NRCAM: variants seen among roughly 807,000 people sequenced by gnomAD.
The protein encoded by NRCAM is neuronal cell adhesion molecule, also known as NgCAM-related cell adhesion molecule.
Under a neutral mutation model 156.5 loss-of-function variants are expected in NRCAM, and 83 were observed. The observed-to-expected ratio is 0.53, with a 90% CI of 0.44 to 0.64. NRCAM has a LOEUF of 0.64. Ranked by LOEUF, NRCAM falls within the 30% of genes least tolerant of loss-of-function variation. The pLI, the probability that NRCAM is intolerant of heterozygous loss-of-function variation, is 0.00. For synonymous variants in NRCAM, 538 were observed against 563.9 expected (o/e 0.95, Z 0.65); for missense variants, 1,417 against 1,597.3 (o/e 0.89, Z 1.92).
chr7:108,240,153 T>A lies in NRCAM; in HGVS notation c.-89A>T. ...TGAAACGTTGTGTGCAACGTTTAAGTAATTTTCATGCGGGAAACTGAAAAA... is the reference window on the plus strand; with the variant it reads ...TGAAACGTTGTGTGCAACGTTTAAGAAATTTTCATGCGGGAAACTGAAAAA... On this transcript the variant is annotated 5_prime_UTR_variant, in exon 4 of 33. Transcript: ENST00000379028. 1 of 823,782 alleles carries A rather than the reference T, an allele frequency of 1.2e-6. No homozygotes were observed. Among genetic ancestry groups the A allele is most frequent in the Non-Finnish European group, 2.0e-6 (1 of 492,398 alleles). The allele number at this position is 823,782 out of a possible 1,614,324, so 51.0% of individuals were successfully genotyped here.
chr7:108,181,065 T>C lies in NRCAM; in HGVS notation c.2647-638A>G, dbSNP rs534776724. On this transcript the variant is annotated intron_variant, in intron 24 of 32. Coordinates refer to ENST00000379028, the MANE Select transcript of NRCAM (RefSeq NM_001037132.4). The stretch of plus-strand genomic sequence containing the variant: ...CAGGCACAGGTTTTGGAGAGATGGA[T>C]AAGAAAGTACTGATTAATTTTGGTC... Among the ~76,000 whole-genome samples the C allele has an allele frequency of 2.6e-5, 4 of 152,302 alleles. No homozygotes were observed. The South Asian group carries it at 6.2e-4, about 24-fold the overall frequency.
intron 2 of NRCAM, among the ~76,000 whole-genome samples, chr7:108,387,416 T>C (rs145460980): frequency 6.6e-5 from 10 of 152,266 alleles, no homozygotes; most frequent in Admixed American, 6.5e-4. Context: ...ATGGATTACT[T>C]ATAGGTAATT....
At chr7:108,208,855 G>A (rs1327700393) in intron 12 of NRCAM, among the ~76,000 whole-genome samples, 4 of 152,056 alleles carry the variant, frequency 2.6e-5, no homozygotes, top group East Asian at 1.9e-4. Flanking sequence ...TATTATTGAC[G>A]TTAACATTCA....
intron 3 of NRCAM, among the ~76,000 whole-genome samples, chr7:108,248,409 T>C (rs1418736238): frequency 6.6e-6 from 1 of 151,982 alleles, no homozygotes; most frequent in African/African-American, 2.4e-5. Context: ...AAAATCTCAA[T>C]GTGTACTCCT....
At chr7:108,292,216 T>C (rs1207619697) in intron 3 of NRCAM, among the ~76,000 whole-genome samples, 1 of 152,220 alleles carries the variant, frequency 6.6e-6, no homozygotes, top group African/African-American at 2.4e-5. Flanking sequence ...GGCCAGATGC[T>C]GTCTAGACCT....
intron 2 of NRCAM, among the ~76,000 whole-genome samples, chr7:108,330,357 C>A (rs918692957): frequency 2.6e-5 from 4 of 152,094 alleles, no homozygotes; most frequent in African/African-American, 9.7e-5. Flanking sequence ...GTGCTCTGAG[C>A]AGTAAGGGCT....
At chr7:108,384,541 A>C (rs2099730233) in intron 2 of NRCAM, among the ~76,000 whole-genome samples, 1 of 152,202 alleles carries the variant, frequency 6.6e-6, no homozygotes, top group Non-Finnish European at 1.5e-5. Flanking sequence ...GATTTGGCAG[A>C]GGAGATTTGA....
At chr7:108,427,603 T>G (rs1393806399) in intron 1 of NRCAM, among the ~76,000 whole-genome samples, 3 of 152,248 alleles carry the variant, frequency 2.0e-5, no homozygotes. Context: ...TTTATGATTT[T>G]ACCATGCTCA....
rs559240624 is a variant in NRCAM, at chr7:108,455,762, G to A, written c.-332+481C>T. 3.9e-5 allele frequency among the ~76,000 whole-genome samples: 6 copies of A among 152,258 alleles called. No homozygotes were observed. In the South Asian group the frequency reaches 1.0e-3, roughly 26 times the overall value. The stretch of plus-strand genomic sequence containing the variant: ...ACAGGCACACGCCCGTGCGCTCCCG[G>A]CCCGGCCCCCGCGCTCCTCGCCCCG... On this transcript the variant is annotated intron_variant, in intron 1 of 32. Coordinates refer to ENST00000379028, the MANE Select transcript of NRCAM (RefSeq NM_001037132.4).
rs1448270663 is a variant in NRCAM, at chr7:108,429,348, C to T, written c.-332+26895G>A. Among the ~76,000 whole-genome samples, 4 of 152,260 alleles carry T rather than the reference C, an allele frequency of 2.6e-5. No homozygotes were observed. The South Asian group carries it at 6.2e-4, about 24-fold the overall frequency. On this transcript the variant is annotated intron_variant, in intron 1 of 32. Coordinates refer to ENST00000379028, the MANE Select transcript of NRCAM (RefSeq NM_001037132.4). ...CTGGGATTACAGATGCCCGCCACCA[C>T]GCCTGGCTAATTTTTGTTTTATTAG... is the stretch of plus-strand genomic sequence containing the variant.
intron 32 of NRCAM, among the ~76,000 whole-genome samples, chr7:108,157,437 A>G (rs1462374569): frequency 1.3e-5 from 2 of 152,170 alleles, no homozygotes; most frequent in African/African-American, 4.8e-5. Flanking sequence ...AAATTCTATT[A>G]AAGTTGTTAG....
intron 11 of NRCAM, among the ~76,000 whole-genome samples, chr7:108,211,476 T>G (rs1365288470): frequency 6.6e-6 from 1 of 152,140 alleles, no homozygotes; most frequent in South Asian, 2.1e-4. Context: ...GGGAGGTGGA[T>G]AGTCTGGGGC....
chr7:108,388,081 C>G (rs1018829724), intron 2 of NRCAM, among the ~76,000 whole-genome samples: 21 of 152,156 alleles, frequency 1.4e-4, no homozygotes, highest in East Asian at 9.7e-4. Flanking sequence ...CCCAGTAATG[C>G]GATGGCTGGG....
Position 108,178,003 on chromosome 7 carries a change from T to G in NRCAM, c.2961A>C (p.Leu987Phe). 4 of 1,610,668 alleles carry G rather than the reference T, an allele frequency of 2.5e-6. No individual in the cohort carries two copies. Among genetic ancestry groups the G allele is most frequent in the Non-Finnish European group, 3.4e-6 (4 of 1,178,074 alleles). Residue 987 changes from leucine (L) to phenylalanine (F), a missense_variant, in exon 26 of 33, where the codon TTA (leucine) becomes TTC (phenylalanine). By Grantham distance (22) the Leu-to-Phe change is conservative. This residue lies in a region of NRCAM where 1,238 missense variants were observed against 1,336.4 expected (regional missense o/e 0.93). Coordinates refer to ENST00000379028, the MANE Select transcript of NRCAM (RefSeq NM_001037132.4). Reference sequence around the variant, plus strand: ...CCAACAGCTTACTTGGCTGATACTTTAAGGTGTACTCTGTCAAAATGCCAT... The same window carrying G: ...CCAACAGCTTACTTGGCTGATACTTGAAGGTGTACTCTGTCAAAATGCCAT... The part of the protein sequence containing the change: ...HPNGILTEYT[L>F]KYQPINSTHE...
intron 2 of NRCAM, among the ~76,000 whole-genome samples, chr7:108,343,551 C>T (rs938867975): frequency 1.3e-5 from 2 of 152,120 alleles, no homozygotes; most frequent in Non-Finnish European, 2.9e-5. Context: ...GTGGTAATCC[C>T]CTCTGGGAAA....
chr7:108,299,879 C>T (rs963291911), intron 3 of NRCAM, among the ~76,000 whole-genome samples: 3 of 152,158 alleles, frequency 2.0e-5, no homozygotes, highest in Non-Finnish European at 4.4e-5. Flanking sequence ...CCCTGCTCTA[C>T]GGTTTACTAG....
intron 13 of NRCAM, among the ~76,000 whole-genome samples, chr7:108,203,399 T>C (rs2079201258): frequency 1.3e-5 from 2 of 152,084 alleles, no homozygotes; most frequent in South Asian, 2.1e-4. Flanking sequence ...GGTAAAGCTT[T>C]AGGAGACAAT....
Position 108,184,320 on chromosome 7 carries a change from T to C in NRCAM, c.2234-9A>G. The C allele has an allele frequency of 1.9e-6, 3 of 1,614,160 alleles. No individual in the cohort carries two copies. Among genetic ancestry groups the C allele is most frequent in the Non-Finnish European group, 2.5e-6 (3 of 1,179,984 alleles). ...GGGGTTTTTATCTGGTTCTGGAAGT[T>C]AAGCAGCCACACATGTGTAAGCTTT... On this transcript the variant is annotated splice_polypyrimidine_tract_variant and intron_variant, in intron 21 of 32. Coordinates refer to ENST00000379028, the MANE Select transcript of NRCAM (RefSeq NM_001037132.4).
In NRCAM at chr7:108,168,257, G is replaced by A; in HGVS notation, c.3313+20C>T. The A allele has an allele frequency of 6.8e-7, 1 of 1,478,084 alleles. No individual in the cohort carries two copies. Among genetic ancestry groups the A allele is most frequent in the Non-Finnish European group, 9.0e-7 (1 of 1,113,874 alleles). 91.6% of individuals were successfully genotyped at this position (1,478,084 alleles called of 1,614,324 possible). A position where few individuals can be genotyped will look rare whatever the true frequency, so the allele number is the denominator to read the frequency against. On this transcript the variant is annotated intron_variant, in intron 29 of 32. Coordinates refer to ENST00000379028, the MANE Select transcript of NRCAM (RefSeq NM_001037132.4). ...ATGCATCCCCCAAATTAAAAATCGGGTAATGAAATTGTTTCTTACTGCCTG... is the reference window on the plus strand; with the variant it reads ...ATGCATCCCCCAAATTAAAAATCGGATAATGAAATTGTTTCTTACTGCCTG...
Sources: gnomAD v4.1 joint callset for allele counts (sites outside exome capture counted in the v4.1 genomes callset) on GRCh38, gnomAD v4.1.1 for gene constraint, gnomAD v4.1.1 regional missense constraint, MANE v1.5 for transcripts, NCBI Gene and HGNC (gene_info 2026-07-23, HGNC 2026-07-21) for gene names.